The following RBPMS variants were observed in gnomAD, a reference collection of about 807,000 sequenced individuals.
RBPMS encodes RNA-binding protein with multiple splicing.
RBPMS carries 7 observed loss-of-function variants against 26.8 expected under a neutral mutation model. That is an observed-to-expected ratio of 0.26 (90% CI 0.15 to 0.49). The LOEUF (loss-of-function observed/expected upper bound fraction) is 0.49, where lower values mean the gene tolerates loss of function less well. Ranked by LOEUF, RBPMS falls within the 20% of genes least tolerant of loss-of-function variation. The pLI, the probability that RBPMS is intolerant of heterozygous loss-of-function variation, is 0.98. For missense variants in RBPMS, 186 were observed against 250.0 expected (o/e 0.74, Z 1.73); for synonymous variants, 96 against 93.3 (o/e 1.03, Z -0.17).
chr8:30,492,729 C>T (rs1819527371), intron 4 of RBPMS, among the ~76,000 whole-genome samples: 1 of 152,174 alleles, frequency 6.6e-6, no homozygotes, highest in African/African-American at 2.4e-5. Context: ...TCACTGGATT[C>T]ACTATGTAAC....
intron 4 of RBPMS, among the ~76,000 whole-genome samples, chr8:30,481,817 A>T (rs892442972): frequency 6.6e-6 from 1 of 152,150 alleles, no homozygotes; most frequent in Non-Finnish European, 1.5e-5. Flanking sequence ...GAACTTTTCT[A>T]TGTAAAGTAG....
At chr8:30,512,005 T>C (rs570743382) in intron 5 of RBPMS, among the ~76,000 whole-genome samples, 2 of 152,162 alleles carry the variant, frequency 1.3e-5, no homozygotes, top group Non-Finnish European at 2.9e-5. Context: ...TTACATAATA[T>C]TGGGTTGGTT....
intron 1 of RBPMS, among the ~76,000 whole-genome samples, chr8:30,466,091 C>A (rs1316853900): frequency 6.6e-6 from 1 of 152,086 alleles, no homozygotes; most frequent in Non-Finnish European, 1.5e-5. Context: ...TTCCATAGGC[C>A]CTAAATCAGG....
chr8:30,423,787 A>G (rs1811068773), intron 1 of RBPMS, among the ~76,000 whole-genome samples: 2 of 151,096 alleles, frequency 1.3e-5, no homozygotes, highest in Non-Finnish European at 2.9e-5. Context: ...GGGGGTTTAA[A>G]CTAGGTTTGT....
At chr8:30,550,174 G>T (rs1199394880) in intron 6 of RBPMS, among the ~76,000 whole-genome samples, 2 of 152,130 alleles carry the variant, frequency 1.3e-5, no homozygotes, top group East Asian at 3.9e-4. Context: ...CAGGGCCTGT[G>T]CTCTGAGCTG....
intron 7 of RBPMS, chr8:30,562,042 T>C: frequency 1.4e-5 from 14 of 985,280 alleles, no homozygotes; most frequent in Non-Finnish European, 1.7e-5. Flanking sequence ...AATAAGAATA[T>C]GTAATGGACC....
At chr8:30,545,243 GCTTT>G (rs1825776221) in intron 6 of RBPMS, 4 of 1,230,012 alleles carry the variant, frequency 3.3e-6, no homozygotes, top group South Asian at 1.4e-5. Context: ...ATTCTGACCA[GCTTT>G]CTTTCTTAGT....
At chr8:30,532,962 G>A (rs1297955933) in intron 5 of RBPMS, among the ~76,000 whole-genome samples, 1 of 152,148 alleles carries the variant, frequency 6.6e-6, no homozygotes, top group Admixed American at 6.6e-5. Context: ...AAACATAAAT[G>A]ATGATGATAC....
intron 1 of RBPMS, chr8:30,386,932 A>G (rs1807175454): frequency 6.6e-6 from 1 of 152,082 alleles, no homozygotes; most frequent in Non-Finnish European, 1.5e-5. Flanking sequence ...AATTAAGTAT[A>G]GAAAAGTCAC....
intron 1 of RBPMS, among the ~76,000 whole-genome samples, chr8:30,390,387 C>T (rs961156884): frequency 2.0e-5 from 3 of 152,166 alleles, no homozygotes; most frequent in Non-Finnish European, 4.4e-5. Context: ...TCTTCAGCTG[C>T]TCTCCTGTTC....
chr8:30,458,235 G>C (rs1815462991), intron 1 of RBPMS, among the ~76,000 whole-genome samples: 1 of 152,090 alleles, frequency 6.6e-6, no homozygotes, highest in South Asian at 2.1e-4. Flanking sequence ...TTGATCTGTG[G>C]TTGGTTGAAT....
Position 30,570,884 on chromosome 8 carries a change from A to G in RBPMS, c.*359A>G, listed in dbSNP as rs1392489010. 6.6e-6 allele frequency: 1 copy of G among 152,278 alleles called. No individual in the cohort carries two copies. The highest frequency in any genetic ancestry group is 2.4e-5 in the African/African-American group (1 of 41,468). 9.4% of individuals were successfully genotyped at this position (152,278 alleles called of 1,614,324 possible). On this transcript the variant is annotated 3_prime_UTR_variant, in exon 9 of 9. Coordinates refer to ENST00000397323, the MANE Select transcript of RBPMS (RefSeq NM_001008710.3). The stretch of plus-strand genomic sequence containing the variant: ...AACCAAGAAAAGTGAGTATTTTTAT[A>G]CCAAACATTTTAAGTATGCTGGGAT...
intron 6 of RBPMS, among the ~76,000 whole-genome samples, chr8:30,546,059 A>C (rs1825843655): frequency 6.6e-6 from 1 of 152,122 alleles, no homozygotes; most frequent in East Asian, 1.9e-4. Flanking sequence ...ATAAAATGTA[A>C]ACCTGTGGGT....
intron 1 of RBPMS, among the ~76,000 whole-genome samples, chr8:30,471,018 A>G (rs1433904852): frequency 6.6e-6 from 1 of 152,220 alleles, no homozygotes; most frequent in Non-Finnish European, 1.5e-5. Flanking sequence ...AAGGGAGGTA[A>G]TAAATTGAGG....
chr8:30,531,670 C>A (rs989745824), intron 5 of RBPMS, among the ~76,000 whole-genome samples: 1 of 152,180 alleles, frequency 6.6e-6, no homozygotes, highest in Non-Finnish European at 1.5e-5. Context: ...TAGCATTTGC[C>A]AAGTTTTCAC....
At chr8:30,449,046 G>C (rs1441927567) in intron 1 of RBPMS, among the ~76,000 whole-genome samples, 1 of 152,186 alleles carries the variant, frequency 6.6e-6, no homozygotes, top group African/African-American at 2.4e-5. Flanking sequence ...GGGAGTACTG[G>C]AGAATGACAG....
At chr8:30,515,490 T>C (rs1822210796) in intron 5 of RBPMS, among the ~76,000 whole-genome samples, 1 of 152,162 alleles carries the variant, frequency 6.6e-6, no homozygotes, top group Admixed American at 6.6e-5. Flanking sequence ...CTACAGCCAA[T>C]ACAATATGTT....
chr8:30,565,566 C>G (rs752740957), intron 7 of RBPMS: 12 of 152,220 alleles, frequency 7.9e-5, no homozygotes, highest in Admixed American at 3.3e-4. Flanking sequence ...GGCAGCCGTG[C>G]CTGCAGGGGG....
At chr8:30,502,907 T>G (rs945729855) in intron 4 of RBPMS, among the ~76,000 whole-genome samples, 4 of 151,950 alleles carry the variant, frequency 2.6e-5, no homozygotes, top group Admixed American at 6.6e-5. Flanking sequence ...AAAGAAAATG[T>G]TCTTATGTTT....
Sources: gnomAD v4.1 joint callset for allele counts (sites outside exome capture counted in the v4.1 genomes callset) on GRCh38, gnomAD v4.1.1 for gene constraint, MANE v1.5 for transcripts, NCBI Gene and HGNC (gene_info 2026-07-23, HGNC 2026-07-21) for gene names.